Variants in RYK observed in about 807,000 individuals in gnomAD.
RYK encodes the protein receptor like tyrosine kinase, also known as inactive tyrosine-protein kinase RYK.
RYK carries 21 observed loss-of-function variants against 70.2 expected under a neutral mutation model. The observed-to-expected ratio is 0.30, with a 90% CI of 0.21 to 0.43. RYK has a LOEUF of 0.43. Among genes scored for constraint, RYK ranks in the 20% least tolerant of loss-of-function variants. The probability of loss-of-function intolerance (pLI) is 1.00; values close to 1 mark genes in which losing one functional copy is unlikely to be tolerated. For synonymous variants in RYK, 267 were observed against 278.0 expected, an observed-to-expected ratio of 0.96 and a Z score of 0.39; for missense variants, 604 against 753.3, an observed-to-expected ratio of 0.80 and a Z score of 2.32.
chr3:134,237,540 C>T (rs2107693754), intron 1 of RYK, among the ~76,000 whole-genome samples: 1 of 152,160 alleles, frequency 6.6e-6, no homozygotes, highest in East Asian at 1.9e-4. Flanking sequence ...ATGTCAAGAA[C>T]CATTAGTTAA....
At chr3:134,158,319 TTTTGCTCAG>T in intron 14 of RYK, 55 bp from the exon 15 acceptor site, 1 of 1,143,482 alleles carries the variant, frequency 8.7e-7, no homozygotes, top group South Asian at 1.8e-5. Flanking sequence ...TATTCATAAC[TTTTGCTCAG>T]TTTGATGCCA....
At chr3:134,222,301 TATATCA>T in intron 2 of RYK, 111 bp downstream of exon 2, 1 of 1,041,942 alleles carries the variant, frequency 9.6e-7, no homozygotes, top group South Asian at 1.4e-5. Context: ...TCAGTACTAT[TATATCA>T]CATCACCAGC....
chr3:134,208,732 C>T (rs1412002146), intron 4 of RYK, among the ~76,000 whole-genome samples: 2 of 152,136 alleles, frequency 1.3e-5, no homozygotes, highest in Non-Finnish European at 2.9e-5. Flanking sequence ...AGGTCTGCAT[C>T]CTAGCTGCAC....
At chr3:134,168,168 T>C (rs2012754016) in intron 13 of RYK, among the ~76,000 whole-genome samples, 1 of 152,252 alleles carries the variant, frequency 6.6e-6, no homozygotes, top group Non-Finnish European at 1.5e-5. Context: ...TTTACACTGT[T>C]GGTGGGACTG....
chr3:134,161,443 T>C (rs1393032882), intron 13 of RYK, among the ~76,000 whole-genome samples: 1 of 152,170 alleles, frequency 6.6e-6, no homozygotes. Context: ...CTCCAAGCTG[T>C]GACAACCCAA....
chr3:134,248,997 T>C (rs2015540324), intron 1 of RYK, among the ~76,000 whole-genome samples: 1 of 152,178 alleles, frequency 6.6e-6, no homozygotes, highest in Admixed American at 6.5e-5. Context: ...TACCTACACC[T>C]CTGACTTTGT....
At position 134,211,534 on chromosome 3, in the gene RYK, T is replaced by A. The variant is rs763809419; in HGVS notation, c.428A>T (p.Gln143Leu). ...MDMPQVNISV[Q>L]GEVPRTLSVF... ...TGATAAAGTGCGTGGAACTTCCCCC[T>A]GAACAGAAATGTTGACCTGGGGCAT... The change falls in exon 3 of 15, where the codon CAG becomes CTG. Residue 143 changes from glutamine to leucine, a missense_variant. This residue lies in a region of RYK where 466 missense variants were observed against 535.9 expected (regional missense o/e 0.87). Transcript: ENST00000623711. 2.5e-6 allele frequency: 4 copies of A among 1,613,298 alleles called. No homozygotes were observed. The Admixed American group carries it at 6.7e-5, about 27-fold the overall frequency.
chr3:134,167,012 T>C (rs549888730), intron 13 of RYK, among the ~76,000 whole-genome samples: 2 of 152,334 alleles, frequency 1.3e-5, no homozygotes, highest in Non-Finnish European at 2.9e-5. Context: ...TTAATATTTA[T>C]TTCTCTTAAT....
intron 4 of RYK, among the ~76,000 whole-genome samples, chr3:134,208,929 C>G (rs919979807): frequency 6.6e-6 from 1 of 151,986 alleles, no homozygotes; most frequent in Non-Finnish European, 1.5e-5. Context: ...TATATTTCCC[C>G]CCCCCATCTT....
chr3:134,182,158 A>G (rs960763096), intron 10 of RYK, among the ~76,000 whole-genome samples: 2 of 150,966 alleles, frequency 1.3e-5, no homozygotes, highest in South Asian at 2.1e-4. Context: ...CTGTCTCCAA[A>G]AAAAAAAAAA....
At chr3:134,227,867 G>T (rs1299482087) in intron 1 of RYK, among the ~76,000 whole-genome samples, 3 of 152,100 alleles carry the variant, frequency 2.0e-5, no homozygotes, top group African/African-American at 7.2e-5. Flanking sequence ...TAGAGACAGG[G>T]TTTCACCATG....
Position 134,178,039 on chromosome 3 carries a change from C to T in RYK, c.1207G>A (p.Glu403Lys). ...LLPITHVCIE[E>K]GEKPMVILPY... ...AATATCACCATGGGCTTTTCTCCTT[C>T]TTCTATACACACATGAGTAATAGGA... The change falls in exon 11 of 15, where the codon GAA becomes AAA. Residue 403 changes from glutamate to lysine, a missense_variant. Around this residue, in one of 2 missense-constraint regions of RYK, gnomAD observed 466 missense variants for 535.9 expected, o/e 0.87. Coordinates refer to ENST00000623711, the MANE Select transcript of RYK (RefSeq NM_002958.4). 1.9e-6 allele frequency: 3 copies of T among 1,600,678 alleles called. No individual in the cohort carries two copies. Among genetic ancestry groups the T allele is most frequent in the Non-Finnish European group, 2.6e-6 (3 of 1,170,688 alleles).
chr3:134,188,922 AC>A lies in RYK; in HGVS notation c.1016del (p.Gly339ValfsTer11). 6.6e-7 allele frequency: 1 copy of A among 1,512,996 alleles called. No homozygotes were observed. Among genetic ancestry groups the A allele is most frequent in the South Asian group, 1.2e-5 (1 of 84,588 alleles). The allele number at this position is 1,512,996 out of a possible 1,614,324, so 93.7% of individuals were successfully genotyped here. On this transcript the variant is annotated frameshift_variant and splice_region_variant, in exon 9 of 15. Coordinates refer to ENST00000623711, the MANE Select transcript of RYK (RefSeq NM_002958.4). LOFTEE classifies it high-confidence loss of function. ...RITLKDVLQE[G>X]TFGRIFHGIL... ...TCCCATGGAAAATACGCCCAAAAGT[AC>A]CTAAAAGGAAAAGTAATAATTAATG...
intron 2 of RYK, among the ~76,000 whole-genome samples, chr3:134,218,838 AGT>A (rs1286390616): frequency 6.6e-6 from 1 of 152,210 alleles, no homozygotes; most frequent in Non-Finnish European, 1.5e-5. Flanking sequence ...GCCCAAACTA[AGT>A]GTGAGGCATT....
At chr3:134,193,809 T>C (rs965316123) in intron 7 of RYK, among the ~76,000 whole-genome samples, 18 of 152,132 alleles carry the variant, frequency 1.2e-4, no homozygotes, top group Admixed American at 3.3e-4. Context: ...CCCTGGAAAA[T>C]GTTTGGCCTC....
At chr3:134,158,662 G>C (rs553185621) in intron 14 of RYK, among the ~76,000 whole-genome samples, 8 of 152,258 alleles carry the variant, frequency 5.3e-5, no homozygotes, top group Admixed American at 5.2e-4. Flanking sequence ...CCTTGTCATG[G>C]TGCAGAAACC....
intron 9 of RYK, among the ~76,000 whole-genome samples, chr3:134,187,746 C>T (rs957088874): frequency 1.1e-4 from 15 of 141,794 alleles, no homozygotes; most frequent in African/African-American, 3.2e-4. Context: ...TTTGTAGAGA[C>T]GGGGGGTCTT....
At chr3:134,205,085 C>A (rs1424959599) in intron 5 of RYK, among the ~76,000 whole-genome samples, 1 of 152,092 alleles carries the variant, frequency 6.6e-6, no homozygotes. Flanking sequence ...AAAGTTTTGG[C>A]TCAAGCAATA....
intron 10 of RYK, among the ~76,000 whole-genome samples, chr3:134,181,946 A>G (rs1379584147): frequency 6.6e-6 from 1 of 152,136 alleles, no homozygotes; most frequent in East Asian, 1.9e-4. Flanking sequence ...TGGGCAGATC[A>G]TGAGGTCAGG....
Sources: allele counts gnomAD v4.1 joint callset (sites outside exome capture counted in the v4.1 genomes callset), GRCh38; gene constraint gnomAD v4.1.1; regional missense constraint gnomAD v4.1.1; transcripts MANE v1.5; gene names NCBI Gene and HGNC (gene_info 2026-07-23, HGNC 2026-07-21).